Variants in ATAD2 observed in about 807,000 individuals in gnomAD.
ATAD2 encodes ATPase family AAA domain-containing protein 2.
ATAD2 carries 62 observed loss-of-function variants against 168.9 expected under a neutral mutation model. The observed-to-expected ratio is 0.37, with a 90% CI of 0.30 to 0.45. ATAD2 has a LOEUF of 0.45. ATAD2 is among the 20% of genes least tolerant of loss of function. The pLI, the probability that ATAD2 is intolerant of heterozygous loss-of-function variation, is 1.00. For synonymous variants in ATAD2, 613 were observed against 571.6 expected, an observed-to-expected ratio of 1.07 and a Z score of -1.03; for missense variants, 1,419 against 1,667.8, an observed-to-expected ratio of 0.85 and a Z score of 2.60.
In ATAD2 at chr8:123,344,898, C is replaced by A; in HGVS notation, c.2704G>T (p.Ala902Ser). The A allele has an allele frequency of 2.5e-6, 4 of 1,613,892 alleles. No individual in the cohort carries two copies. Among genetic ancestry groups the A allele is most frequent in the Non-Finnish European group, 3.4e-6 (4 of 1,179,892 alleles). ...LLATSDKPHS[A>S]LPEEVQELFI... Reference sequence around the variant, plus strand: ...ACATAAATTACCTCTTCTGGCAAAGCGGAATGGGGTTTGTCAGAAGTTGCA... The same window carrying A: ...ACATAAATTACCTCTTCTGGCAAAGAGGAATGGGGTTTGTCAGAAGTTGCA... Residue 902 changes from alanine (A) to serine (S), a missense_variant, in exon 19 of 28, where the codon GCT (alanine) becomes TCT (serine). Ala to Ser is a moderately conservative substitution (Grantham distance 99, BLOSUM62 1). This residue lies in a region of ATAD2 where 545 missense variants were observed against 724.9 expected (regional missense o/e 0.75). Transcript: ENST00000287394.
chr8:123,397,239 TCAAAAAA>T (rs1812892574), upstream of ATAD2, among the ~76,000 whole-genome samples: 1 of 79,626 alleles, frequency 1.3e-5, no homozygotes. Flanking sequence ...AGACTCTGTC[TCAAAAAA>T]AAAAAAAAAA....
In ATAD2 at chr8:123,336,452, C is replaced by T; in HGVS notation, c.3132G>A (p.Leu1044=). The change falls in exon 22 of 28, where the codon CTG becomes CTA. Residue 1044 remains leucine (L), a synonymous_variant. Coordinates refer to ENST00000287394, the MANE Select transcript of ATAD2 (RefSeq NM_014109.4). The stretch of plus-strand genomic sequence containing the variant: ...TATCTCTCAAATAGTCTTTCACAGT[C>T]AGATACTTGTGTAGATCAATTTTAC... The part of the protein sequence containing the change: ...VISKIDLHKY[L]TVKDYLRDID... 6.3e-7 allele frequency: 1 copy of T among 1,580,972 alleles called. No individual in the cohort carries two copies. Among genetic ancestry groups the T allele is most frequent in the Non-Finnish European group, 8.6e-7 (1 of 1,168,420 alleles).
At chr8:123,334,658 T>C (rs1249333947) in intron 22 of ATAD2, among the ~76,000 whole-genome samples, 3 of 152,060 alleles carry the variant, frequency 2.0e-5, no homozygotes, top group Non-Finnish European at 4.4e-5. Flanking sequence ...GTGTCATTAG[T>C]GAACAAAGAA....
chr8:123,362,574 C>CT (rs992270709), intron 8 of ATAD2, among the ~76,000 whole-genome samples: 6 of 151,828 alleles, frequency 4.0e-5, no homozygotes, highest in Non-Finnish European at 7.4e-5. Context: ...AGCCATTGTG[C>CT]CCAGTTAACT....
chr8:123,357,785 T>G (rs972785818), intron 11 of ATAD2, 49 bp from the exon 12 acceptor site: 3 of 1,496,390 alleles, frequency 2.0e-6, no homozygotes, highest in Non-Finnish European at 2.7e-6. Context: ...AAAAGCAGAC[T>G]TTTAAAACAA....
chr8:123,403,564 G>C (rs1030055901), intron 1 of ATAD2, among the ~76,000 whole-genome samples: 1 of 152,164 alleles, frequency 6.6e-6, no homozygotes, highest in Non-Finnish European at 1.5e-5. Flanking sequence ...AGCCTCCTGA[G>C]TAGCTGGGAC....
intron 1 of ATAD2, among the ~76,000 whole-genome samples, chr8:123,407,369 T>C (rs1386140740): frequency 6.6e-6 from 1 of 152,250 alleles, no homozygotes; most frequent in African/African-American, 2.4e-5. Context: ...TGACCAGTTC[T>C]ATCTTTTCTA....
chr8:123,327,316 T>C (rs1415190410), intron 25 of ATAD2, among the ~76,000 whole-genome samples: 3 of 152,088 alleles, frequency 2.0e-5, no homozygotes, highest in South Asian at 4.1e-4. Flanking sequence ...GTATTCTTTT[T>C]AAAAAGAAAA....
At position 123,369,131 on chromosome 8, in the gene ATAD2, C is replaced by T; in HGVS notation, c.976G>A (p.Ala326Thr). ...CGGTATCTTGGTCTTGCAGGAGAAGCTGGGCCACTATAAAATATGTTGGGC... is the reference window on the plus strand; with the variant it reads ...CGGTATCTTGGTCTTGCAGGAGAAGTTGGGCCACTATAAAATATGTTGGGC... Reference protein sequence around the residue: ...RKPNIFYSGPASPARPRYRLS... With the variant: ...RKPNIFYSGPTSPARPRYRLS... The change falls in exon 8 of 28, where the codon GCT becomes ACT. Residue 326 changes from alanine to threonine, a missense_variant. By Grantham distance (58) the Ala-to-Thr change is moderately conservative. Coordinates refer to ENST00000287394, the MANE Select transcript of ATAD2 (RefSeq NM_014109.4). 6.3e-7 allele frequency: 1 copy of T among 1,591,222 alleles called. No homozygotes were observed. Among genetic ancestry groups the T allele is most frequent in the East Asian group, 2.3e-5 (1 of 44,258 alleles).
In ATAD2 at chr8:123,396,373, G is replaced by A. The variant is rs757778314; in HGVS notation, c.-16C>T. 7 of 1,553,902 alleles carry A rather than the reference G, an allele frequency of 4.5e-6. No individual in the cohort carries two copies. The highest frequency in any genetic ancestry group is 5.2e-6 in the Non-Finnish European group (6 of 1,150,526). On this transcript the variant is annotated 5_prime_UTR_variant, in exon 1 of 28. Coordinates refer to ENST00000287394, the MANE Select transcript of ATAD2 (RefSeq NM_014109.4). ...GAACCACCATCTTCTCTCCCTACTG[G>A]CCTCGGCGTGCGCGACCGGAGAGAG...
upstream of ATAD2, chr8:123,401,099 T>C: frequency 6.6e-7 from 1 of 1,508,716 alleles, no homozygotes; most frequent in Admixed American, 1.7e-5. Flanking sequence ...ACCACCCTCC[T>C]CAGTGAGGTG....
rs142262370 is a variant in ATAD2, at chr8:123,369,013, A to G, written c.1049+45T>C. The G allele has an allele frequency of 7.5e-4, 900 of 1,196,184 alleles. 11 individuals carry two copies. In the East Asian group the frequency reaches 0.02, roughly 27 times the overall value. 74.1% of individuals were successfully genotyped at this position (1,196,184 alleles called of 1,614,324 possible). ...AGTCTAGAGTCCAGCCCTAACATAA[A>G]AACAATTATGTTGTCATAAATCAAT... On this transcript the variant is annotated intron_variant, in intron 8 of 27. Transcript: ENST00000287394.
At chr8:123,372,220 TATG>T (rs1448355564) in intron 3 of ATAD2, among the ~76,000 whole-genome samples, 10 of 152,196 alleles carry the variant, frequency 6.6e-5, no homozygotes, top group Non-Finnish European at 8.8e-5. Context: ...TCAAAGCAAT[TATG>T]ATGAGTTGCA....
rs1554645786 is a variant in ATAD2 at position 123,369,954 on chromosome 8, A to ATCT, written c.797_798insAGA (p.Asp265_Asp266insGlu). Reference sequence around the variant, plus strand: ...CATCATCATCATCATCGTCATCATCATCATCATCTTCATCATCTTCATCTT... The same window carrying ATCT: ...CATCATCATCATCATCGTCATCATCATCTTCATCATCTTCATCATCTTCATCTT... On this transcript the variant is annotated inframe_insertion, in exon 7 of 28. Transcript: ENST00000287394. 1 of 1,578,796 alleles carries ATCT rather than the reference A, an allele frequency of 6.3e-7. No individual in the cohort carries two copies. Among genetic ancestry groups the ATCT allele is most frequent in the Non-Finnish European group, 8.7e-7 (1 of 1,151,348 alleles).
At chr8:123,322,003 T>TTTG (rs1827482841) in intron 27 of ATAD2, among the ~76,000 whole-genome samples, 1 of 151,346 alleles carries the variant, frequency 6.6e-6, no homozygotes, top group African/African-American at 2.4e-5. Flanking sequence ...TTTTTTTTTT[T>TTTG]GTCATACAGA....
intron 2 of ATAD2, among the ~76,000 whole-genome samples, chr8:123,378,547 C>T (rs143822081): frequency 0.012 from 1,781 of 151,520 alleles, 38 homozygotes; most frequent in African/African-American, 0.041. Flanking sequence ...ACTAAAAATA[C>T]AAAAATTAGC....
intron 27 of ATAD2, among the ~76,000 whole-genome samples, chr8:123,322,013 A>G (rs1353415875): frequency 7.0e-6 from 1 of 141,934 alleles, no homozygotes; most frequent in Non-Finnish European, 1.5e-5. Flanking sequence ...TGTCATACAG[A>G]GTCTTACTCT....
At chr8:123,378,940 C>T (rs115941187) in intron 2 of ATAD2, among the ~76,000 whole-genome samples, 2,649 of 151,424 alleles carry the variant, frequency 0.017, 59 homozygotes, top group African/African-American at 0.06. Context: ...TACAGGTGTG[C>T]GACACCATGC....
At chr8:123,326,068 A>G in intron 25 of ATAD2, 42 bp from the exon 26 acceptor site, 1 of 1,586,522 alleles carries the variant, frequency 6.3e-7, no homozygotes. Context: ...GTCCATAGAT[A>G]TTATGATGTC....
Sources: gnomAD v4.1 joint callset for allele counts (sites outside exome capture counted in the v4.1 genomes callset) on GRCh38, gnomAD v4.1.1 for gene constraint, gnomAD v4.1.1 regional missense constraint, MANE v1.5 for transcripts, NCBI Gene and HGNC (gene_info 2026-07-23, HGNC 2026-07-21) for gene names.